SCLY: variants seen among roughly 807,000 people sequenced by gnomAD.
SCLY encodes selenocysteine lyase, also known as putative selenocysteine lyase.
A neutral mutation model predicts 50.1 loss-of-function variants in SCLY; 38 were observed. The ratio of observed to expected loss-of-function variants is 0.76; its 90% CI spans 0.59 to 0.99. The LOEUF is 0.99. SCLY is among the 50% of genes least tolerant of loss of function. SCLY has a pLI of 0.00. For synonymous variants in SCLY, 243 were observed against 249.4 expected, an observed-to-expected ratio of 0.97 and a Z score of 0.24; for missense variants, 600 against 620.0, an observed-to-expected ratio of 0.97 and a Z score of 0.34.
At position 238,066,919 on chromosome 2, in the gene SCLY, G is replaced by A. The variant is rs964699827; in HGVS notation, c.203-1146G>A. Among the ~76,000 whole-genome samples the A allele has an allele frequency of 3.3e-5, 5 of 152,190 alleles. No individual in the cohort carries two copies. The highest frequency in any genetic ancestry group is 7.2e-5 in the African/African-American group (3 of 41,456). On this transcript the variant is annotated intron_variant, in intron 2 of 11. Transcript: ENST00000254663. This position sits in a 1 kb window ranked among gnomAD's most constrained non-coding sequence, Gnocchi z 4.1. Reference sequence around the variant, plus strand: ...TACATGGCAGCAGAGAAGAGTGTGCGTGCAGGGGAGCTCCCCTTTATAAAA... The same window carrying A: ...TACATGGCAGCAGAGAAGAGTGTGCATGCAGGGGAGCTCCCCTTTATAAAA...
chr2:238,071,261 T>C lies in SCLY; in HGVS notation c.484+1784T>C, dbSNP rs2065124534. On this transcript the variant is annotated intron_variant, in intron 4 of 11. Coordinates refer to ENST00000254663, the MANE Select transcript of SCLY (RefSeq NM_016510.7). ...GTTTAAAATTGTACAATTTAAAAAA[T>C]GTATAGACATGCATGTGATGGAAAT... Among the ~76,000 whole-genome samples the C allele has an allele frequency of 2.6e-5, 4 of 152,316 alleles. No homozygotes were observed. In the South Asian group the frequency reaches 8.3e-4, roughly 32 times the overall value.
intron 10 of SCLY, 136 bp downstream of exon 10, chr2:238,094,658 G>A (rs2065406838): frequency 9.4e-6 from 7 of 744,996 alleles, no homozygotes; most frequent in African/African-American, 3.5e-5. Flanking sequence ...GCCTTGCTGG[G>A]GTTGCCAAGA....
At chr2:238,084,071 G>A (rs1271727163) in intron 7 of SCLY, among the ~76,000 whole-genome samples, 3 of 152,216 alleles carry the variant, frequency 2.0e-5, no homozygotes, top group Non-Finnish European at 2.9e-5. Context: ...GTGCTGCCAC[G>A]CCTATCCACA....
chr2:238,084,125 G>C (rs1000405249), intron 7 of SCLY, among the ~76,000 whole-genome samples: 1 of 152,178 alleles, frequency 6.6e-6, no homozygotes. Context: ...ACCAATACAG[G>C]CTGTAACAAG....
Position 238,064,489 on chromosome 2 carries a change from G to A in SCLY, c.202+20G>A, listed in dbSNP as rs766396924. 1.0e-5 allele frequency: 16 copies of A among 1,550,510 alleles called. No homozygotes were observed. The highest frequency in any genetic ancestry group is 2.8e-5 in the African/African-American group (2 of 72,438). On this transcript the variant is annotated intron_variant, in intron 2 of 11. Coordinates refer to ENST00000254663, the MANE Select transcript of SCLY (RefSeq NM_016510.7). ...CAGCAGGTAATTCTAGAAGATGCAC[G>A]TGTTCACTGATGGGAGATAATGGGG...
intron 7 of SCLY, among the ~76,000 whole-genome samples, chr2:238,089,648 A>ATT (rs35551907): frequency 1.4e-5 from 2 of 141,490 alleles, no homozygotes; most frequent in African/African-American, 2.6e-5. Flanking sequence ...TTTTTTTGCG[A>ATT]TTTTTTTTTT....
At chr2:238,068,244 C>A in intron 3 of SCLY, 79 bp downstream of exon 3, 1 of 1,107,646 alleles carries the variant, frequency 9.0e-7, no homozygotes, top group Non-Finnish European at 1.3e-6. Context: ...CCTTTTGCTA[C>A]ATTTTCATTT....
At chr2:238,073,668 A>G in intron 4 of SCLY, 1 of 426,260 alleles carries the variant, frequency 2.3e-6, no homozygotes, top group South Asian at 1.8e-5. Context: ...AATGTAGTTG[A>G]CCCTTGAACA....
rs1422736346 is a variant in SCLY, at chr2:238,066,700, G to A, written c.203-1365G>A. ...GGGAATGAAAAGGGAAAGAGCCCACGCTTTTGCCCTGGGCTGCTGAGGGAT... is the reference window on the plus strand; with the variant it reads ...GGGAATGAAAAGGGAAAGAGCCCACACTTTTGCCCTGGGCTGCTGAGGGAT... On this transcript the variant is annotated intron_variant, in intron 2 of 11. Transcript: ENST00000254663. The surrounding 1 kb of genome is among the most constrained non-coding windows in gnomAD (Gnocchi z 4.1). Among the ~76,000 whole-genome samples, 6 of 152,088 alleles carry A rather than the reference G, an allele frequency of 3.9e-5. No individual in the cohort carries two copies. The highest frequency in any genetic ancestry group is 7.4e-5 in the Non-Finnish European group (5 of 68,008).
intron 4 of SCLY, among the ~76,000 whole-genome samples, chr2:238,071,465 C>T (rs575608880): frequency 2.8e-4 from 43 of 151,918 alleles, no homozygotes; most frequent in African/African-American, 1.0e-3. Flanking sequence ...AAAATTTAGC[C>T]GGGCGTGGTG....
At position 238,098,626 on chromosome 2, in the gene SCLY, C is replaced by CCCACATGGGACCGCCCACATAGAACCGT. The variant is rs1691333329; in HGVS notation, c.*291_*292insAGAACCGTCCACATGGGACCGCCCACAT. 7.4e-4 allele frequency: 240 copies of CCCACATGGGACCGCCCACATAGAACCGT among 324,522 alleles called. 10 individuals carry two copies. The highest frequency in any genetic ancestry group is 5.2e-3 in the African/African-American group (179 of 34,462). The allele number at this position is 324,522 out of a possible 1,614,324, so 20.1% of individuals were successfully genotyped here. ...ACATAGGACCGCCCACATGGGACCG[C>CCCACATGGGACCGCCCACATAGAACCGT]CCACATGGGACCGCCCACATGGGAC... On this transcript the variant is annotated 3_prime_UTR_variant, in exon 12 of 12. Coordinates refer to ENST00000254663, the MANE Select transcript of SCLY (RefSeq NM_016510.7).
At chr2:238,070,411 G>A (rs1403986510) in intron 4 of SCLY, among the ~76,000 whole-genome samples, 2 of 152,166 alleles carry the variant, frequency 1.3e-5, no homozygotes, top group Non-Finnish European at 2.9e-5. Flanking sequence ...GGGCGCAGTG[G>A]CTCAAGCCTT....
At chr2:238,075,573 G>A (rs2065165235) in intron 4 of SCLY, among the ~76,000 whole-genome samples, 1 of 152,080 alleles carries the variant, frequency 6.6e-6, no homozygotes, top group Non-Finnish European at 1.5e-5. Context: ...GGTTTGTTCA[G>A]GCTCTATCTC....
rs2065076703 is a variant in SCLY, at chr2:238,066,993, A to G, written c.203-1072A>G. On this transcript the variant is annotated intron_variant, in intron 2 of 11. Transcript: ENST00000254663. The surrounding 1 kb of genome is among the most constrained non-coding windows in gnomAD (Gnocchi z 4.1). ...TCACTATCACGAGACTAGCATGGGA[A>G]AGACCTGCCGCCATGATTCAGTTAC... Among the ~76,000 whole-genome samples, 1 of 152,182 alleles carries G rather than the reference A, an allele frequency of 6.6e-6. No homozygotes were observed. The highest frequency in any genetic ancestry group is 2.1e-4 in the South Asian group (1 of 4,822).
intron 7 of SCLY, among the ~76,000 whole-genome samples, chr2:238,085,836 G>T (rs1357845471): frequency 6.6e-6 from 1 of 152,158 alleles, no homozygotes; most frequent in Non-Finnish European, 1.5e-5. Flanking sequence ...ATGACAGCCT[G>T]AAAAAGTGCT....
chr2:238,093,926 C>A lies in SCLY; in HGVS notation c.987C>A (p.Tyr329Ter). Residue 329 changes from tyrosine to a stop codon, truncating the protein, a stop_gained, in exon 9 of 12, where the codon TAC becomes TAA. Transcript: ENST00000254663. LOFTEE classifies it high-confidence loss of function. The stretch of plus-strand genomic sequence containing the variant: ...CCCACATGAGGGACGTCCGCGACTA[C>A]CTGGAAGAGAGGCTGGAAGTGAGCG... Reference protein sequence around the residue: ...YEAHMRDVRDYLEERLEAEFG... With the variant: ...YEAHMRDVRD 2 of 1,613,854 alleles carry A rather than the reference C, an allele frequency of 1.2e-6. No individual in the cohort carries two copies. Among genetic ancestry groups the A allele is most frequent in the Non-Finnish European group, 8.5e-7 (1 of 1,179,984 alleles).
rs1183333925 is a variant in SCLY, at chr2:238,069,130, G to C, written c.304-167G>C. 6.6e-6 allele frequency among the ~76,000 whole-genome samples: 1 copy of C among 152,136 alleles called. No individual in the cohort carries two copies. The highest frequency in any genetic ancestry group is 2.4e-5 in the African/African-American group (1 of 41,418). ...TAATTGACTGGAATCTCATGTTTTTGAATGTTGGAAAACCCCAAATCTTTC... is the reference window on the plus strand; with the variant it reads ...TAATTGACTGGAATCTCATGTTTTTCAATGTTGGAAAACCCCAAATCTTTC... On this transcript the variant is annotated intron_variant, in intron 3 of 11. Coordinates refer to ENST00000254663, the MANE Select transcript of SCLY (RefSeq NM_016510.7). The surrounding 1 kb of genome is among the most constrained non-coding windows in gnomAD (Gnocchi z 5.0).
At chr2:238,085,478 G>A (rs2065284481) in intron 7 of SCLY, among the ~76,000 whole-genome samples, 1 of 151,714 alleles carries the variant, frequency 6.6e-6, no homozygotes, top group African/African-American at 2.4e-5. Flanking sequence ...CAGCACTTTG[G>A]GAGGCCGAGG....
intron 4 of SCLY, among the ~76,000 whole-genome samples, chr2:238,076,393 T>G (rs1175182543): frequency 6.6e-6 from 1 of 152,044 alleles, no homozygotes; most frequent in Non-Finnish European, 1.5e-5. Context: ...CACCCAGACG[T>G]TTTTTCTTTT....
Sources: gnomAD v4.1 joint callset for allele counts (sites outside exome capture counted in the v4.1 genomes callset) on GRCh38, gnomAD v4.1.1 for gene constraint, Gnocchi (gnomAD v3.1) non-coding constraint, MANE v1.5 for transcripts, NCBI Gene and HGNC (gene_info 2026-07-23, HGNC 2026-07-21) for gene names.